The following CNTNAP4 variants were observed in gnomAD, a reference collection of about 807,000 sequenced individuals.
CNTNAP4 encodes the protein contactin-associated protein-like 4.
Under a neutral mutation model 148.4 loss-of-function variants are expected in CNTNAP4, and 98 were observed. The observed-to-expected ratio is 0.66, with a 90% CI of 0.56 to 0.78. The LOEUF is 0.78. Among genes scored for constraint, CNTNAP4 ranks in the 30% least tolerant of loss-of-function variants. CNTNAP4 has a pLI of 0.00. For synonymous variants in CNTNAP4, 730 were observed against 565.1 expected, an observed-to-expected ratio of 1.29 and a Z score of -4.14; for missense variants, 1,935 against 1,565.6, an observed-to-expected ratio of 1.24 and a Z score of -3.98.
At chr16:76,343,078 T>C (rs1024942668) in intron 2 of CNTNAP4, among the ~76,000 whole-genome samples, 1 of 152,002 alleles carries the variant, frequency 6.6e-6, no homozygotes, top group Admixed American at 6.6e-5. Context: ...AATTTGAAAT[T>C]GGCTAGGCAG....
At position 76,330,478 on chromosome 16, in the gene CNTNAP4, C is replaced by T. The variant is rs536838518; in HGVS notation, c.196+13955C>T. Among the ~76,000 whole-genome samples the T allele has an allele frequency of 5.3e-5, 8 of 152,324 alleles. No homozygotes were observed. The South Asian group carries it at 1.0e-3, about 20-fold the overall frequency. ...TGCTTATGACTTTCAACCCCATCTC[C>T]ATTGCCTATACTGGTGTTTATGAAT... is the stretch of plus-strand genomic sequence containing the variant. On this transcript the variant is annotated intron_variant, in intron 2 of 23. Coordinates refer to ENST00000611870, the MANE Select transcript of CNTNAP4 (RefSeq NM_033401.5).
intron 10 of CNTNAP4, 134 bp downstream of exon 10, chr16:76,467,657 A>G (rs2081224590): frequency 2.6e-6 from 2 of 763,466 alleles, no homozygotes; most frequent in Non-Finnish European, 4.0e-6. Flanking sequence ...TTATATTTAC[A>G]TTAGAAATAA....
chr16:76,310,360 A>G lies in CNTNAP4; in HGVS notation c.86-6053A>G, dbSNP rs191065260. On this transcript the variant is annotated intron_variant, in intron 1 of 23. Transcript: ENST00000611870. ...AAGTAATATTTTTTGATATATGCAA[A>G]CATAATTCCATACTTTCTTAAATAT... is the stretch of plus-strand genomic sequence containing the variant. Among the ~76,000 whole-genome samples, 434 of 152,274 alleles carry G rather than the reference A, an allele frequency of 2.9e-3. 7 individuals are homozygous for G. Among genetic ancestry groups the G allele is most frequent in the African/African-American group, 9.9e-3 (411 of 41,558 alleles).
At position 76,498,585 on chromosome 16, in the gene CNTNAP4, G is replaced by A; in HGVS notation, c.2256G>A (p.Leu752=). 6.2e-7 allele frequency: 1 copy of A among 1,611,960 alleles called. No individual in the cohort carries two copies. ...DRNEWTNDTG[L]LAYKEHLPVT... The stretch of plus-strand genomic sequence containing the variant: ...TTTTTAGGACCAATGACACTGGATT[G>A]CTTGCTTATAAAGAACATCTTCCAG... Residue 752 remains leucine, a synonymous_variant, in exon 15 of 24, where the codon TTG becomes TTA. Transcript: ENST00000611870.
intron 17 of CNTNAP4, among the ~76,000 whole-genome samples, chr16:76,529,563 T>A (rs868268153): frequency 1.3e-5 from 2 of 152,218 alleles, no homozygotes; most frequent in South Asian, 2.1e-4. Context: ...GAATTGATTT[T>A]TATTCAACCA....
chr16:76,517,384 G>T (rs971088763), intron 15 of CNTNAP4, among the ~76,000 whole-genome samples: 1 of 152,124 alleles, frequency 6.6e-6, no homozygotes, highest in Non-Finnish European at 1.5e-5. Flanking sequence ...GAATCTTTCT[G>T]TGTTATTTCT....
chr16:76,449,450 T>C (rs1468423799), intron 6 of CNTNAP4, among the ~76,000 whole-genome samples: 1 of 152,198 alleles, frequency 6.6e-6, no homozygotes, highest in African/African-American at 2.4e-5. Context: ...AGATCAAGTT[T>C]TACCATGTTA....
At chr16:76,493,628 A>T (rs1051265310) in intron 13 of CNTNAP4, among the ~76,000 whole-genome samples, 3 of 152,160 alleles carry the variant, frequency 2.0e-5, no homozygotes, top group Non-Finnish European at 2.9e-5. Flanking sequence ...TTTTTAATCT[A>T]TGAAAACTTA....
At position 76,539,872 on chromosome 16, in the gene CNTNAP4, A is replaced by G. The variant is rs755138963; in HGVS notation, c.3354+20A>G. The stretch of plus-strand genomic sequence containing the variant: ...ATAGAGGTAATGTAGTAAATTCAGC[A>G]GAAGCAATCATTTTAATGACTCTCC... On this transcript the variant is annotated intron_variant, in intron 20 of 23. Coordinates refer to ENST00000611870, the MANE Select transcript of CNTNAP4 (RefSeq NM_033401.5). 1.3e-6 allele frequency: 2 copies of G among 1,536,542 alleles called. No individual in the cohort carries two copies. Among genetic ancestry groups the G allele is most frequent in the Non-Finnish European group, 8.7e-7 (1 of 1,144,648 alleles).
chr16:76,321,787 CAA>C (rs5817984), intron 2 of CNTNAP4, among the ~76,000 whole-genome samples: 2,182 of 105,398 alleles, frequency 0.021, 29 homozygotes, highest in African/African-American at 0.072. Flanking sequence ...GACTCAGTCT[CAA>C]AAAAAAAAAA....
At chr16:76,455,452 A>G (rs1041728529) in intron 8 of CNTNAP4, among the ~76,000 whole-genome samples, 2 of 152,226 alleles carry the variant, frequency 1.3e-5, no homozygotes, top group East Asian at 1.9e-4. Flanking sequence ...AGCCCCCTTG[A>G]TTTGCTGCAC....
intron 15 of CNTNAP4, among the ~76,000 whole-genome samples, chr16:76,508,236 A>G (rs1357549695): frequency 1.5e-5 from 1 of 68,896 alleles, no homozygotes; most frequent in Non-Finnish European, 4.5e-5. Context: ...AGACATGAAT[A>G]CATTTTTGGT....
At chr16:76,414,274 T>C (rs888969126) in intron 3 of CNTNAP4, among the ~76,000 whole-genome samples, 1 of 151,386 alleles carries the variant, frequency 6.6e-6, no homozygotes, top group African/African-American at 2.4e-5. Flanking sequence ...TGAAATGCTT[T>C]TTCTGTATTT....
chr16:76,520,823 A>G (rs1032095865), intron 15 of CNTNAP4, among the ~76,000 whole-genome samples: 1 of 152,310 alleles, frequency 6.6e-6, no homozygotes, highest in Non-Finnish European at 1.5e-5. Context: ...AGATCGTATA[A>G]TATCACTTTG....
At chr16:76,420,992 G>A (rs964560359) in intron 3 of CNTNAP4, among the ~76,000 whole-genome samples, 1 of 151,908 alleles carries the variant, frequency 6.6e-6, no homozygotes, top group African/African-American at 2.4e-5. Context: ...TAAGCTTTAT[G>A]ACTTGTCCAC....
At chr16:76,399,901 A>G (rs1271957874) in intron 3 of CNTNAP4, among the ~76,000 whole-genome samples, 1 of 152,228 alleles carries the variant, frequency 6.6e-6, no homozygotes, top group African/African-American at 2.4e-5. Flanking sequence ...GCTTCATAAT[A>G]TTCCATCAAG....
At chr16:76,363,570 G>C (rs12935398) in intron 3 of CNTNAP4, among the ~76,000 whole-genome samples, 44,321 of 151,938 alleles carry the variant, frequency 0.29, 7,083 homozygotes, top group Non-Finnish European at 0.37. Flanking sequence ...ACAGCTTCAC[G>C]ACATTGGTCT....
chr16:76,455,820 T>C (rs750780834), intron 8 of CNTNAP4, among the ~76,000 whole-genome samples: 54 of 152,358 alleles, frequency 3.5e-4, no homozygotes, highest in Admixed American at 6.5e-4. Context: ...TCTTATACAT[T>C]GTGCACTACA....
At chr16:76,298,689 A>G (rs1484957175) in intron 1 of CNTNAP4, among the ~76,000 whole-genome samples, 1 of 152,110 alleles carries the variant, frequency 6.6e-6, no homozygotes, top group African/African-American at 2.4e-5. Context: ...GAGCTCTCCA[A>G]GGGCTCAGTT....
Sources: gnomAD v4.1 joint callset for allele counts (sites outside exome capture counted in the v4.1 genomes callset) on GRCh38, gnomAD v4.1.1 for gene constraint, MANE v1.5 for transcripts, NCBI Gene and HGNC (gene_info 2026-07-23, HGNC 2026-07-21) for gene names.